Variants in ATXN2 observed in about 807,000 individuals in gnomAD.
ATXN2 encodes the protein ataxin 2, also known as ataxin-2.
ATXN2 carries 37 observed loss-of-function variants against 138.6 expected under a neutral mutation model. The ratio of observed to expected loss-of-function variants is 0.27; its 90% confidence interval spans 0.21 to 0.35. ATXN2 has a LOEUF of 0.35. ATXN2 is among the 10% of genes least tolerant of loss of function. The probability of loss-of-function intolerance (pLI) is 1.00; values close to 1 mark genes in which losing one functional copy is unlikely to be tolerated. For synonymous variants in ATXN2, 549 were observed against 543.7 expected (o/e 1.01, Z -0.13); for missense variants, 1,216 against 1,480.3 (o/e 0.82, Z 2.93).
chr12:111,481,245 G>T (rs1317323224), intron 18 of ATXN2, among the ~76,000 whole-genome samples: 2 of 152,156 alleles, frequency 1.3e-5, no homozygotes. Flanking sequence ...AGGAATTCGA[G>T]ACCAGCCTGG....
intron 5 of ATXN2, among the ~76,000 whole-genome samples, chr12:111,546,292 C>A (rs1209904911): frequency 6.6e-6 from 1 of 152,080 alleles, no homozygotes; most frequent in Non-Finnish European, 1.5e-5. Flanking sequence ...CTAAATGCAG[C>A]GGAAAATATG....
intron 20 of ATXN2, among the ~76,000 whole-genome samples, chr12:111,465,465 A>G (rs1875922554): frequency 6.6e-6 from 1 of 152,158 alleles, no homozygotes; most frequent in Non-Finnish European, 1.5e-5. Flanking sequence ...AAACAAAATT[A>G]GATGGATTAG....
intron 14 of ATXN2, among the ~76,000 whole-genome samples, chr12:111,493,804 T>C (rs939946613): frequency 5.3e-5 from 8 of 151,948 alleles, no homozygotes; most frequent in Non-Finnish European, 1.0e-4. Context: ...AATTTTTGTA[T>C]TTTTAGTAGA....
At chr12:111,547,383 C>T (rs1428136563) in intron 5 of ATXN2, among the ~76,000 whole-genome samples, 1 of 151,716 alleles carries the variant, frequency 6.6e-6, no homozygotes, top group East Asian at 1.9e-4. Flanking sequence ...GCTGAGATCA[C>T]GCCACTGCAC....
chr12:111,459,330 C>T (rs1875380481), intron 21 of ATXN2, among the ~76,000 whole-genome samples: 1 of 152,184 alleles, frequency 6.6e-6, no homozygotes, highest in African/African-American at 2.4e-5. Flanking sequence ...ATTAAGTTTA[C>T]TTCCAGCTCC....
chr12:111,510,077 T>C (rs1467667572), intron 12 of ATXN2, 79 bp from the exon 13 acceptor site: 11 of 1,092,274 alleles, frequency 1.0e-5, no homozygotes, highest in Non-Finnish European at 1.3e-5. Flanking sequence ...AATTTTGATT[T>C]CCTATGTTTT....
intron 5 of ATXN2, among the ~76,000 whole-genome samples, chr12:111,543,499 T>C (rs569841512): frequency 1.3e-5 from 2 of 152,272 alleles, no homozygotes; most frequent in African/African-American, 4.8e-5. Flanking sequence ...AGTGGTACGA[T>C]CTCAGCTCAT....
chr12:111,578,648 T>C (rs1883817497), intron 1 of ATXN2, among the ~76,000 whole-genome samples: 1 of 152,108 alleles, frequency 6.6e-6, no homozygotes, highest in African/African-American at 2.4e-5. Flanking sequence ...CATTAAGCAA[T>C]GCATAAACAT....
chr12:111,525,223 T>C lies in ATXN2; in HGVS notation c.665A>G (p.Asn222Ser), dbSNP rs146180830. ...ATTTTCCAAAGCCTCAAGTTCCTCA[T>C]TGGCTGTGAGTTCACCTGCATCCCA... ...EPWDAGELTA[N>S]EELEALENDV... Residue 222 changes from asparagine to serine, a missense_variant, in exon 6 of 25, where the codon AAT (asparagine) becomes AGT (serine). Physicochemically the swap from Asn to Ser is conservative, Grantham distance 46 (BLOSUM62 1). Around this residue, in one of 4 missense-constraint regions of ATXN2, gnomAD observed 401 missense variants for 528.1 expected, o/e 0.76. Transcript: ENST00000673436. 62 of 1,613,510 alleles carry C rather than the reference T, an allele frequency of 3.8e-5. No homozygotes were observed. The highest frequency in any genetic ancestry group is 1.4e-4 in the South Asian group (13 of 90,940).
Position 111,553,714 on chromosome 12 carries a change from C to T in ATXN2, c.348+444G>A, listed in dbSNP as rs752302084. On this transcript the variant is annotated intron_variant, in intron 3 of 24. Transcript: ENST00000673436. ...CTCCCAGGCTCAAACAATCCTCCCA[C>T]GTCAGCCTCCCAAGTCACTAGGACT... 7.4e-5 allele frequency among the ~76,000 whole-genome samples: 11 copies of T among 148,974 alleles called. No individual in the cohort carries two copies. In the South Asian group the frequency reaches 2.4e-3, roughly 33 times the overall value.
rs1885123466 is a variant in ATXN2, at chr12:111,599,105, C to G, written c.-71G>C. The G allele has an allele frequency of 7.7e-7, 1 of 1,294,628 alleles. No individual in the cohort carries two copies. Among genetic ancestry groups the G allele is most frequent in the African/African-American group, 1.6e-5 (1 of 63,408 alleles). The allele number at this position is 1,294,628 out of a possible 1,614,324, so 80.2% of individuals were successfully genotyped here. On this transcript the variant is annotated 5_prime_UTR_variant, in exon 1 of 25. Coordinates refer to ENST00000673436, the MANE Select transcript of ATXN2 (RefSeq NM_001372574.1). ...GGGAGCCGGGCGCGCCAAGGAGACG[C>G]CGGAACGCGGCGGGGACGCGCGGGC...
At chr12:111,537,634 G>T (rs1305944603) in intron 5 of ATXN2, among the ~76,000 whole-genome samples, 1 of 151,154 alleles carries the variant, frequency 6.6e-6, no homozygotes, top group East Asian at 1.9e-4. Flanking sequence ...CCATTAATAC[G>T]CAATGTCCAG....
At chr12:111,581,019 TC>T (rs1378347243) in intron 1 of ATXN2, among the ~76,000 whole-genome samples, 2 of 150,490 alleles carry the variant, frequency 1.3e-5, no homozygotes, top group Non-Finnish European at 3.0e-5. Flanking sequence ...GTGCCTGTAG[TC>T]CCAGCTACTT....
intron 14 of ATXN2, among the ~76,000 whole-genome samples, chr12:111,490,718 T>C (rs1349246495): frequency 6.6e-6 from 1 of 151,966 alleles, no homozygotes; most frequent in African/African-American, 2.4e-5. Flanking sequence ...CCAAAAAAGA[T>C]AAGGAAGATA....
At chr12:111,497,743 G>A (rs963628452) in intron 14 of ATXN2, among the ~76,000 whole-genome samples, 13 of 152,030 alleles carry the variant, frequency 8.6e-5, no homozygotes, top group Admixed American at 2.0e-4. Context: ...TTGGCCGGGC[G>A]TGGTGGCTCA....
intron 18 of ATXN2, among the ~76,000 whole-genome samples, chr12:111,483,410 C>CAAAA (rs58159636): frequency 0.067 from 8,704 of 130,884 alleles, 850 homozygotes; most frequent in African/African-American, 0.22. Context: ...AACTGGTTGG[C>CAAAA]AAAAAAAAAA....
At chr12:111,490,502 G>A (rs1417012094) in intron 14 of ATXN2, among the ~76,000 whole-genome samples, 1 of 152,070 alleles carries the variant, frequency 6.6e-6, no homozygotes, top group African/African-American at 2.4e-5. Context: ...TGGTCAGTTA[G>A]ACATTCTAAA....
Position 111,598,990 on chromosome 12 carries a change from C to T in ATXN2, c.45G>A (p.Gln15=), listed in dbSNP as rs757403790. ...GCTGCTGCTGCTGTTGCTGCTGCTGCTGCTGCTGCTGCTGCTGCTGCTGCT... is the reference window on the plus strand; with the variant it reads ...GCTGCTGCTGCTGTTGCTGCTGCTGTTGCTGCTGCTGCTGCTGCTGCTGCT... ...PQQQQQQQQQ[Q]QQQQQQQQQQ... The change falls in exon 1 of 25, where the codon CAG becomes CAA. Residue 15 remains glutamine (Q), a synonymous_variant. Transcript: ENST00000673436. This position sits in a 1 kb window ranked among gnomAD's most constrained non-coding sequence, Gnocchi z 4.5. 1.2e-3 allele frequency: 1,707 copies of T among 1,430,082 alleles called. 3 individuals carry two copies. Among genetic ancestry groups the T allele is most frequent in the South Asian group, 2.0e-3 (155 of 78,098 alleles). The allele number at this position is 1,430,082 out of a possible 1,614,324, so 88.6% of individuals were successfully genotyped here. A position where few individuals can be genotyped will look rare whatever the true frequency, so the allele number is the denominator to read the frequency against.
Position 111,596,205 on chromosome 12 carries a change from A to AACACACACAC in ATXN2, c.251+2569_251+2578dup, listed in dbSNP as rs35316415. On this transcript the variant is annotated intron_variant, in intron 1 of 24. Transcript: ENST00000673436. The stretch of plus-strand genomic sequence containing the variant: ...GGCGACAGAGTGAGATTCCATCCAA[A>AACACACACAC]ACACACACACACACACACACACACA... Among the ~76,000 whole-genome samples the AACACACACAC allele has an allele frequency of 7.6e-3, 1,084 of 141,828 alleles. 96 individuals are homozygous for AACACACACAC. The East Asian group carries it at 0.2, about 27-fold the overall frequency. 93.0% of individuals were successfully genotyped at this position (141,828 alleles called of 152,430 possible).
Sources: allele counts gnomAD v4.1 joint callset (sites outside exome capture counted in the v4.1 genomes callset), GRCh38; gene constraint gnomAD v4.1.1; regional missense constraint gnomAD v4.1.1; non-coding constraint Gnocchi (gnomAD v3.1); transcripts MANE v1.5; gene names NCBI Gene and HGNC (gene_info 2026-07-23, HGNC 2026-07-21).